Variants in CCN4 observed in about 807,000 individuals in gnomAD.
The protein encoded by CCN4 is cellular communication network factor 4, also known as CCN family member 4.
Under a neutral mutation model 36.7 loss-of-function variants are expected in CCN4, and 30 were observed. The observed-to-expected ratio is 0.82, with a 90% confidence interval of 0.61 to 1.11. The LOEUF is 1.11. Among genes scored for constraint, CCN4 ranks in the 50% least tolerant of loss-of-function variants. The pLI is 0.00. For missense variants in CCN4, 505 were observed against 504.9 expected (o/e 1.00, Z 0.00); for synonymous variants, 191 against 195.4 (o/e 0.98, Z 0.19).
chr8:133,212,883 C>T lies in CCN4; in HGVS notation c.89C>T (p.Thr30Met), dbSNP rs148354420. The T allele has an allele frequency of 5.6e-6, 9 of 1,601,436 alleles. No homozygotes were observed. The highest frequency in any genetic ancestry group is 7.7e-6 in the Non-Finnish European group (9 of 1,170,940). ...CCGCAGGCCCTCTCTCCAGCCCCTA[C>T]GACCATGGACTTTACCCCAGCTCCA... ...VLATALSPAPTTMDFTPAPLE... is the reference protein window; with the variant it reads ...VLATALSPAPMTMDFTPAPLE... The change falls in exon 2 of 5, where the codon ACG (threonine) becomes ATG (methionine). Residue 30 changes from threonine (T) to methionine (M), a missense_variant. Thr to Met is a moderately conservative substitution (Grantham distance 81). Transcript: ENST00000250160.
At chr8:133,224,022 A>G (rs1175155613) in intron 3 of CCN4, among the ~76,000 whole-genome samples, 2 of 136,026 alleles carry the variant, frequency 1.5e-5, no homozygotes, top group Non-Finnish European at 3.2e-5. Flanking sequence ...TTAGCTTACT[A>G]AAGGCCAGGG....
Position 133,197,526 on chromosome 8 carries a change from C to A in CCN4, c.69+6313C>A, listed in dbSNP as rs528089730. 5.4e-4 allele frequency among the ~76,000 whole-genome samples: 82 copies of A among 152,276 alleles called. 1 individual carries two copies. The South Asian group carries it at 0.015, about 27-fold the overall frequency. ...GACCGAGATAGACTCTAGTCTCCCC[C>A]CCAGCTCTGACATTCCATTAACCAG... is the stretch of plus-strand genomic sequence containing the variant. On this transcript the variant is annotated intron_variant, in intron 1 of 4. Transcript: ENST00000250160.
chr8:133,203,019 T>C (rs1853643532), intron 1 of CCN4, among the ~76,000 whole-genome samples: 1 of 152,224 alleles, frequency 6.6e-6, no homozygotes, highest in African/African-American at 2.4e-5. Context: ...AACCCTGTCC[T>C]GAAAGCTCCC....
At position 133,229,740 on chromosome 8, in the gene CCN4, C is replaced by G. The variant is rs1308597273; in HGVS notation, c.*2030C>G. On this transcript the variant is annotated 3_prime_UTR_variant, in exon 5 of 5. Coordinates refer to ENST00000250160, the MANE Select transcript of CCN4 (RefSeq NM_003882.4). The stretch of plus-strand genomic sequence containing the variant: ...ACTTTTATTCGAAGCTCTCTTCTTC[C>G]AAAGCTACATGAAAATAGAATTTTA... The G allele has an allele frequency of 6.6e-6, 1 of 152,150 alleles. No homozygotes were observed. Among genetic ancestry groups the G allele is most frequent in the Non-Finnish European group, 1.5e-5 (1 of 68,036 alleles). 9.4% of individuals were successfully genotyped at this position (152,150 alleles called of 1,614,324 possible).
chr8:133,207,180 A>G (rs565231169), intron 1 of CCN4, among the ~76,000 whole-genome samples: 1 of 152,240 alleles, frequency 6.6e-6, no homozygotes, highest in Non-Finnish European at 1.5e-5. Context: ...TCTGGCCATG[A>G]GGCCCCTCCC....
At chr8:133,207,040 G>A (rs1221834268) in intron 1 of CCN4, among the ~76,000 whole-genome samples, 1 of 152,216 alleles carries the variant, frequency 6.6e-6, no homozygotes, top group Non-Finnish European at 1.5e-5. Context: ...GAGAGTGTAA[G>A]CACAGGCTTA....
rs1332645534 is a variant in CCN4 at position 133,192,379 on chromosome 8, T to A, written c.69+1166T>A. Among the ~76,000 whole-genome samples, 3 of 152,176 alleles carry A rather than the reference T, an allele frequency of 2.0e-5. No individual in the cohort carries two copies. The East Asian group carries it at 5.8e-4, about 29-fold the overall frequency. ...GATGGCGGGGAGTGGGTCTGTTTCA[T>A]CTTGGTTAAATCCTCACGCCTGGCA... On this transcript the variant is annotated intron_variant, in intron 1 of 4. Transcript: ENST00000250160.
intron 1 of CCN4, among the ~76,000 whole-genome samples, chr8:133,211,302 T>A (rs1486688387): frequency 6.6e-6 from 1 of 152,244 alleles, no homozygotes; most frequent in Non-Finnish European, 1.5e-5. Context: ...GCCTCTCCCA[T>A]AAGCTGTGGG....
chr8:133,224,921 G>T (rs1294489276), intron 3 of CCN4, among the ~76,000 whole-genome samples: 1 of 142,170 alleles, frequency 7.0e-6, no homozygotes, highest in Admixed American at 7.1e-5. Flanking sequence ...GGCAACAAGA[G>T]TGAAACTCTG....
intron 1 of CCN4, among the ~76,000 whole-genome samples, chr8:133,191,817 G>A (rs534717247): frequency 6.6e-6 from 1 of 151,926 alleles, no homozygotes; most frequent in Non-Finnish European, 1.5e-5. Context: ...TCTGCAGTCT[G>A]CAGAGTGTCC....
At chr8:133,194,463 T>G (rs1481742091) in intron 1 of CCN4, among the ~76,000 whole-genome samples, 4 of 52,378 alleles carry the variant, frequency 7.6e-5, no homozygotes, top group African/African-American at 3.6e-4. Context: ...GGTATGTGTG[T>G]GGGGTGTGTG....
At chr8:133,217,936 C>CCACACACACACACACACATACACA (rs1554743638) in intron 2 of CCN4, among the ~76,000 whole-genome samples, 2 of 144,432 alleles carry the variant, frequency 1.4e-5, no homozygotes, top group Non-Finnish European at 3.0e-5. Flanking sequence ...ACTCCCTTCT[C>CCACACACACACACACACATACACA]CACACACACA....
In CCN4 at chr8:133,220,741, G is replaced by A. The variant is rs775016662; in HGVS notation, c.510G>A (p.Pro170=). ...CCCCGCGTCTCTGGTGCCCCCACCC[G>A]CGGCGCGTGAGCATACCTGGCCACT... ...VRPPRLWCPH[P]RRVSIPGHCC... Residue 170 remains proline (P), a synonymous_variant, in exon 3 of 5, where the codon CCG becomes CCA. Coordinates refer to ENST00000250160, the MANE Select transcript of CCN4 (RefSeq NM_003882.4). 143 of 1,613,416 alleles carry A rather than the reference G, an allele frequency of 8.9e-5. 1 individual carries two copies. The highest frequency in any genetic ancestry group is 6.1e-4 in the South Asian group (56 of 91,062).
chr8:133,205,428 G>A (rs898222387), intron 1 of CCN4, among the ~76,000 whole-genome samples: 2 of 151,922 alleles, frequency 1.3e-5, no homozygotes, highest in South Asian at 2.1e-4. Flanking sequence ...CTTGACTTAC[G>A]ATCTTTTCTC....
At chr8:133,207,767 G>T (rs529911109) in intron 1 of CCN4, among the ~76,000 whole-genome samples, 7 of 152,308 alleles carry the variant, frequency 4.6e-5, no homozygotes, top group Admixed American at 1.3e-4. Flanking sequence ...GTTTGTGCAT[G>T]CAGGGGAACA....
chr8:133,214,510 T>G (rs780450116), intron 2 of CCN4, among the ~76,000 whole-genome samples: 6 of 151,844 alleles, frequency 4.0e-5, no homozygotes, highest in Non-Finnish European at 5.9e-5. Flanking sequence ...TGGAGGTGGT[T>G]GTTGTTGTTG....
chr8:133,202,386 T>C (rs534183512), intron 1 of CCN4, among the ~76,000 whole-genome samples: 22 of 152,348 alleles, frequency 1.4e-4, no homozygotes, highest in Non-Finnish European at 2.8e-4. Flanking sequence ...CTGGACGTTC[T>C]CAGAGGCTTT....
At chr8:133,215,952 C>T (rs892232523) in intron 2 of CCN4, among the ~76,000 whole-genome samples, 4 of 151,830 alleles carry the variant, frequency 2.6e-5, no homozygotes, top group Non-Finnish European at 4.4e-5. Flanking sequence ...TAAATTTTTT[C>T]AGTCAGATAG....
intron 1 of CCN4, among the ~76,000 whole-genome samples, chr8:133,210,170 A>C (rs1035100552): frequency 1.3e-5 from 2 of 152,152 alleles, no homozygotes; most frequent in Admixed American, 1.3e-4. Context: ...AGAGAGATGC[A>C]AGGCCCGGGC....
Sources: allele counts gnomAD v4.1 joint callset (sites outside exome capture counted in the v4.1 genomes callset), GRCh38; gene constraint gnomAD v4.1.1; transcripts MANE v1.5; gene names NCBI Gene and HGNC (gene_info 2026-07-23, HGNC 2026-07-21).